Variants in ROR1 observed in about 807,000 individuals in gnomAD.
The protein encoded by ROR1 is ROR family WNT receptor 1.
A neutral mutation model predicts 78.8 loss-of-function variants in ROR1; 19 were observed. That is an observed-to-expected ratio of 0.24 (90% CI 0.17 to 0.35). ROR1 has a LOEUF of 0.35. Ranked by LOEUF, ROR1 falls within the 10% of genes least tolerant of loss-of-function variation. The probability of loss-of-function intolerance (pLI) is 1.00; values close to 1 mark genes in which losing one functional copy is unlikely to be tolerated. For missense variants in ROR1, 917 were observed against 1,177.8 expected, an observed-to-expected ratio of 0.78 and a Z score of 3.24; for synonymous variants, 386 against 433.6, an observed-to-expected ratio of 0.89 and a Z score of 1.36.
intron 2 of ROR1, among the ~76,000 whole-genome samples, chr1:64,048,222 TAGCC>T (rs1449862009): frequency 6.6e-6 from 1 of 152,254 alleles, no homozygotes; most frequent in African/African-American, 2.4e-5. Context: ...CAGTAGCCAC[TAGCC>T]ACATGTGGCT....
At chr1:64,118,176 C>G (rs1331265521) in intron 4 of ROR1, among the ~76,000 whole-genome samples, 2 of 152,148 alleles carry the variant, frequency 1.3e-5, no homozygotes, top group African/African-American at 4.8e-5. Flanking sequence ...GCACTCCTGC[C>G]TGGGTGACAG....
Position 63,983,687 on chromosome 1 carries a change from G to A in ROR1, c.92-25618G>A, listed in dbSNP as rs1042277812. ...CACATCAGTTCACAGCATTAAAACT[G>A]CCTTTAGCGCCTCATTGTCCAAAAG... On this transcript the variant is annotated intron_variant, in intron 1 of 8. Coordinates refer to ENST00000371079, the MANE Select transcript of ROR1 (RefSeq NM_005012.4). Among the ~76,000 whole-genome samples the A allele has an allele frequency of 3.3e-5, 5 of 152,130 alleles. 1 individual carries two copies. In the South Asian group the frequency reaches 6.2e-4, roughly 19 times the overall value.
At chr1:63,874,901 T>A (rs1645274864) in intron 1 of ROR1, among the ~76,000 whole-genome samples, 1 of 152,126 alleles carries the variant, frequency 6.6e-6, no homozygotes, top group Non-Finnish European at 1.5e-5. Flanking sequence ...TGTAAAGATA[T>A]CTGAATGAAG....
At position 64,050,739 on chromosome 1, in the gene ROR1, T is replaced by C. The variant is rs770936205; in HGVS notation, c.482+23T>C. ...CTCGTAAGTACTTTTATCTCCTTTC[T>C]TGTCATTTCTAAGTGTTTCTCCGTG... On this transcript the variant is annotated intron_variant, in intron 4 of 8. Transcript: ENST00000371079. The C allele has an allele frequency of 3.1e-6, 5 of 1,611,590 alleles. No individual in the cohort carries two copies. In the South Asian group the frequency reaches 5.5e-5, roughly 18 times the overall value.
In ROR1 at chr1:64,157,447, G is replaced by A. The variant is rs143854382; in HGVS notation, c.1175-1534G>A. Among the ~76,000 whole-genome samples, 329 of 152,160 alleles carry A rather than the reference G, an allele frequency of 2.2e-3. 2 individuals are homozygous for A. Among genetic ancestry groups the A allele is most frequent in the African/African-American group, 7.1e-3 (296 of 41,524 alleles). On this transcript the variant is annotated intron_variant, in intron 7 of 8. Coordinates refer to ENST00000371079, the MANE Select transcript of ROR1 (RefSeq NM_005012.4). ...ACCCACTGCACCCAGCCTAAAATTCGTATTATTTTTATTCTACTCTGTAAC... is the reference window on the plus strand; with the variant it reads ...ACCCACTGCACCCAGCCTAAAATTCATATTATTTTTATTCTACTCTGTAAC...
intron 4 of ROR1, among the ~76,000 whole-genome samples, chr1:64,129,687 C>T (rs1648843353): frequency 6.6e-6 from 1 of 152,208 alleles, no homozygotes; most frequent in African/African-American, 2.4e-5. Context: ...TAAAAAATCA[C>T]TCATTCTTTT....
chr1:64,088,347 C>T (rs1330729470), intron 4 of ROR1, among the ~76,000 whole-genome samples: 1 of 152,130 alleles, frequency 6.6e-6, no homozygotes, highest in East Asian at 1.9e-4. Flanking sequence ...CAGTGCTTCA[C>T]ATTCTTGCCA....
At position 63,774,549 on chromosome 1, in the gene ROR1, G is replaced by A. The variant is rs1644600758; in HGVS notation, c.91+41G>A. The A allele has an allele frequency of 5.2e-6, 5 of 961,952 alleles. No individual in the cohort carries two copies. The South Asian group carries it at 1.9e-4, about 37-fold the overall frequency. 59.6% of individuals were successfully genotyped at this position (961,952 alleles called of 1,614,324 possible). ...CGGCCCCCGCCCGCCCAGACCCCCT[G>A]ACCCGTGGCCACCCTTCCGCCGTCC... is the stretch of plus-strand genomic sequence containing the variant. On this transcript the variant is annotated intron_variant, in intron 1 of 8. Coordinates refer to ENST00000371079, the MANE Select transcript of ROR1 (RefSeq NM_005012.4). This position sits in a 1 kb window ranked among gnomAD's most constrained non-coding sequence, Gnocchi z 5.7.
At chr1:63,952,897 G>C (rs1473125400) in intron 1 of ROR1, among the ~76,000 whole-genome samples, 2 of 152,140 alleles carry the variant, frequency 1.3e-5, no homozygotes, top group African/African-American at 4.8e-5. Context: ...CAGTGGTAAA[G>C]TTTTGAGGTC....
intron 1 of ROR1, among the ~76,000 whole-genome samples, chr1:63,832,426 GA>G (rs1644994056): frequency 6.6e-6 from 1 of 152,256 alleles, no homozygotes; most frequent in South Asian, 2.1e-4. Context: ...GAGGCCTCAG[GA>G]AACTTACAAT....
intron 1 of ROR1, among the ~76,000 whole-genome samples, chr1:63,904,282 A>G (rs1227339777): frequency 2.0e-5 from 3 of 152,180 alleles, no homozygotes; most frequent in Non-Finnish European, 4.4e-5. Context: ...TGCCCATGTT[A>G]TAGAGGAGGA....
chr1:63,805,547 A>T (rs1644823434), intron 1 of ROR1, among the ~76,000 whole-genome samples: 1 of 152,242 alleles, frequency 6.6e-6, no homozygotes. Context: ...AGAGTGTAAG[A>T]GAGGAAAGAG....
chr1:64,068,253 A>G (rs915355811), intron 4 of ROR1, among the ~76,000 whole-genome samples: 94 of 152,212 alleles, frequency 6.2e-4, no homozygotes, highest in Middle Eastern at 3.2e-3. Flanking sequence ...CTAGGTTACA[A>G]TAAGCTTTTC....
intron 4 of ROR1, among the ~76,000 whole-genome samples, chr1:64,132,850 A>G (rs1157070483): frequency 6.6e-6 from 1 of 151,370 alleles, no homozygotes; most frequent in Non-Finnish European, 1.5e-5. Flanking sequence ...CAAATTTGTC[A>G]GTACCGATCG....
intron 1 of ROR1, among the ~76,000 whole-genome samples, chr1:63,798,076 G>A (rs1269262349): frequency 6.6e-6 from 1 of 151,992 alleles, no homozygotes; most frequent in Non-Finnish European, 1.5e-5. Context: ...TTTGGCAGTA[G>A]GTCTCCTGAT....
chr1:63,820,272 A>G (rs1557512425), intron 1 of ROR1, among the ~76,000 whole-genome samples: 1 of 152,152 alleles, frequency 6.6e-6, no homozygotes, highest in Non-Finnish European at 1.5e-5. Flanking sequence ...TCCCCCTGCA[A>G]GCCCTGCAAT....
chr1:63,882,452 G>A (rs144850367), intron 1 of ROR1, among the ~76,000 whole-genome samples: 3 of 152,318 alleles, frequency 2.0e-5, no homozygotes, highest in African/African-American at 4.8e-5. Flanking sequence ...TGACGTGCAT[G>A]TTGATCAGAT....
At chr1:64,170,746 T>A (rs1326639505) in intron 8 of ROR1, among the ~76,000 whole-genome samples, 1 of 152,226 alleles carries the variant, frequency 6.6e-6, no homozygotes, top group Non-Finnish European at 1.5e-5. Flanking sequence ...ACCTCTTGAA[T>A]GCTTTGCTGC....
chr1:64,036,386 C>T (rs1413310020), intron 2 of ROR1, among the ~76,000 whole-genome samples: 2 of 152,208 alleles, frequency 1.3e-5, no homozygotes, highest in East Asian at 3.9e-4. Context: ...TTTATTTTTA[C>T]TTCATTCCCT....
Sources: gnomAD v4.1 joint callset for allele counts (sites outside exome capture counted in the v4.1 genomes callset) on GRCh38, gnomAD v4.1.1 for gene constraint, Gnocchi (gnomAD v3.1) non-coding constraint, MANE v1.5 for transcripts, NCBI Gene and HGNC (gene_info 2026-07-23, HGNC 2026-07-21) for gene names.